The following ZBBX variants were observed in gnomAD, a reference collection of about 807,000 sequenced individuals.
ZBBX encodes zinc finger B-box domain containing, also known as zinc finger B-box domain-containing protein 1.
In ZBBX, 101 loss-of-function variants were observed where a neutral mutation model predicts 108.5. The ratio of observed to expected loss-of-function variants is 0.93; its 90% confidence interval spans 0.79 to 1.10. The LOEUF (loss-of-function observed/expected upper bound fraction) is 1.10. Among genes scored for constraint, ZBBX ranks in the 50% least tolerant of loss-of-function variants. The pLI, the probability that ZBBX is intolerant of heterozygous loss-of-function variation, is 0.00. For synonymous variants in ZBBX, 356 were observed against 323.4 expected (o/e 1.10, Z -1.08); for missense variants, 1,009 against 941.4 (o/e 1.07, Z -0.94).
At chr3:167,233,631 A>T in the ZBBX span, among the ~76,000 whole-genome samples, 1 of 151,774 alleles carries the variant, frequency 6.6e-6, no homozygotes, top group Non-Finnish European at 1.5e-5. Flanking sequence ...TTTACTTCTC[A>T]CTACCATAAC....
At chr3:167,331,179 G>A (rs1738563413) in intron 10 of ZBBX, among the ~76,000 whole-genome samples, 1 of 51,630 alleles carries the variant, frequency 1.9e-5, no homozygotes, top group African/African-American at 1.0e-4. Context: ...GGCAGCCTGA[G>A]AAGGCTAATA....
chr3:167,367,099 T>C (rs1045521893), intron 5 of ZBBX, among the ~76,000 whole-genome samples: 1 of 151,946 alleles, frequency 6.6e-6, no homozygotes, highest in African/African-American at 2.4e-5. Context: ...TCTAGGTATT[T>C]GATGGTCATC....
intron 1 of ZBBX, among the ~76,000 whole-genome samples, chr3:167,393,831 C>G (rs567634057): frequency 6.6e-6 from 1 of 151,864 alleles, no homozygotes; most frequent in East Asian, 1.9e-4. Flanking sequence ...GCTAAAGCCG[C>G]GTAACCTTTT....
At chr3:167,399,475 C>T (rs1004506032) in intron 1 of ZBBX, 2 of 151,976 alleles carry the variant, frequency 1.3e-5, no homozygotes, top group African/African-American at 4.8e-5. Flanking sequence ...TTAAAATTAA[C>T]ATATACTGTT....
intron 16 of ZBBX, among the ~76,000 whole-genome samples, chr3:167,306,275 C>T (rs1298049616): frequency 1.3e-5 from 2 of 152,152 alleles, no homozygotes; most frequent in Admixed American, 1.3e-4. Context: ...CCTCCTCTCA[C>T]TCAAATTTTA....
At chr3:167,197,596 A>G in the ZBBX span, among the ~76,000 whole-genome samples, 53 of 152,198 alleles carry the variant, frequency 3.5e-4, 1 homozygote, top group Admixed American at 1.4e-3. Flanking sequence ...TCAGTATATT[A>G]AATTACATAG....
intron 18 of ZBBX, among the ~76,000 whole-genome samples, chr3:167,289,660 G>A (rs1018280827): frequency 7.9e-5 from 12 of 152,166 alleles, no homozygotes; most frequent in Non-Finnish European, 1.2e-4. Context: ...TTTCCAGCAC[G>A]AAACTGGGTG....
intron 10 of ZBBX, among the ~76,000 whole-genome samples, chr3:167,331,287 T>A (rs1427344104): frequency 6.6e-6 from 1 of 152,084 alleles, no homozygotes; most frequent in Non-Finnish European, 1.5e-5. Context: ...CCTCCAACAA[T>A]AACATTTATA....
At chr3:167,241,372 C>T (rs980963945) in intron 21 of ZBBX, among the ~76,000 whole-genome samples, 13 of 152,094 alleles carry the variant, frequency 8.5e-5, no homozygotes, top group African/African-American at 2.7e-4. Context: ...AAATTAATGA[C>T]GGCATTTGTT....
At chr3:167,295,387 G>T (rs1731461614) in intron 18 of ZBBX, among the ~76,000 whole-genome samples, 1 of 151,948 alleles carries the variant, frequency 6.6e-6, no homozygotes, top group African/African-American at 2.4e-5. Flanking sequence ...CATGTCCTTT[G>T]CAGAGACATG....
intron 20 of ZBBX, among the ~76,000 whole-genome samples, chr3:167,281,866 T>C (rs57428002): frequency 2.0e-5 from 3 of 152,312 alleles, no homozygotes; most frequent in African/African-American, 7.2e-5. Flanking sequence ...AAAGATCTAA[T>C]GGCTCAATTT....
intron 20 of ZBBX, among the ~76,000 whole-genome samples, chr3:167,263,910 G>A (rs773575531): frequency 8.5e-5 from 13 of 152,240 alleles, no homozygotes; most frequent in East Asian, 1.9e-4. Context: ...GTGTTGGTAT[G>A]TATATATTTG....
intron 20 of ZBBX, among the ~76,000 whole-genome samples, chr3:167,258,471 G>A (rs374106938): frequency 8.5e-5 from 13 of 152,164 alleles, no homozygotes; most frequent in East Asian, 5.8e-4. Context: ...GTTTGCCTTC[G>A]TCTTTACTGA....
chr3:167,362,153 AT>A (rs1744626100), intron 6 of ZBBX, among the ~76,000 whole-genome samples: 1 of 152,134 alleles, frequency 6.6e-6, no homozygotes, highest in South Asian at 2.1e-4. Flanking sequence ...ATATATGCGC[AT>A]GTACATATAC....
chr3:167,380,303 G>A (rs1475891136), upstream of ZBBX: 3 of 152,258 alleles, frequency 2.0e-5, no homozygotes, highest in Non-Finnish European at 4.4e-5. Flanking sequence ...TAGCTGCCGG[G>A]AGTTTCCGTC....
chr3:167,320,935 T>C (rs1282544647), intron 12 of ZBBX, among the ~76,000 whole-genome samples: 2 of 151,830 alleles, frequency 1.3e-5, no homozygotes, highest in African/African-American at 4.8e-5. Context: ...GATAAGGAAA[T>C]ATGACAAAAA....
the ZBBX span, among the ~76,000 whole-genome samples, chr3:167,224,839 C>T: frequency 0.32 from 49,283 of 151,692 alleles, 9,329 homozygotes; most frequent in Non-Finnish European, 0.43. Context: ...TTCCACTGTT[C>T]TCTCTCTCAT....
In ZBBX at chr3:167,313,985, T is replaced by C; in HGVS notation, c.1406A>G (p.Asp469Gly). Residue 469 changes from aspartate to glycine, a missense_variant, in exon 16 of 22, where the codon GAT (aspartate) becomes GGT (glycine). Physicochemically the swap from Asp to Gly is moderately conservative, Grantham distance 94. Transcript: ENST00000675490. Reference protein sequence around the residue: ...CLRNSSTYYKDNSKAETSNTD... With the variant: ...CLRNSSTYYKGNSKAETSNTD... ...AAGAAAAATGTTACCTTTTGAATTATCTTTATAATAAGTAGAGCTGTTTCT... is the reference window on the plus strand; with the variant it reads ...AAGAAAAATGTTACCTTTTGAATTACCTTTATAATAAGTAGAGCTGTTTCT... The C allele has an allele frequency of 5.7e-6, 9 of 1,585,476 alleles. No individual in the cohort carries two copies. Among genetic ancestry groups the C allele is most frequent in the Non-Finnish European group, 7.7e-6 (9 of 1,168,448 alleles).
chr3:167,182,803 A>AGAAC, the ZBBX span, among the ~76,000 whole-genome samples: 88,375 of 151,572 alleles, frequency 0.58, 25,945 homozygotes, highest in East Asian at 0.82. Context: ...TTACAAAAGG[A>AGAAC]CTGTTGGTCC....
Sources: allele counts gnomAD v4.1 joint callset (sites outside exome capture counted in the v4.1 genomes callset), GRCh38; gene constraint gnomAD v4.1.1; transcripts MANE v1.5; gene names NCBI Gene and HGNC (gene_info 2026-07-23, HGNC 2026-07-21).